The following EDIL3 variants were observed in gnomAD, a reference collection of about 807,000 sequenced individuals.
EDIL3 encodes the protein EGF-like repeat and discoidin I-like domain-containing protein 3.
EDIL3 carries 37 observed loss-of-function variants against 67.4 expected under a neutral mutation model. The ratio of observed to expected loss-of-function variants is 0.55; its 90% CI spans 0.42 to 0.72. EDIL3 has a LOEUF of 0.72. EDIL3 is among the 30% of genes least tolerant of loss of function. EDIL3 has a pLI of 0.00. For missense variants in EDIL3, 527 were observed against 586.3 expected, an observed-to-expected ratio of 0.90 and a Z score of 1.04; for synonymous variants, 195 against 196.3, an observed-to-expected ratio of 0.99 and a Z score of 0.05.
At chr5:83,980,394 T>A (rs1744950338) in intron 9 of EDIL3, among the ~76,000 whole-genome samples, 1 of 151,902 alleles carries the variant, frequency 6.6e-6, no homozygotes, top group South Asian at 2.1e-4. Flanking sequence ...AGTAAATCTA[T>A]CTTTATTCAG....
intron 1 of EDIL3, among the ~76,000 whole-genome samples, chr5:84,286,263 A>G (rs1351095605): frequency 6.6e-6 from 1 of 152,136 alleles, no homozygotes; most frequent in Non-Finnish European, 1.5e-5. Flanking sequence ...AGCTTGCTAC[A>G]CTCTCCCCAT....
At chr5:84,156,338 C>T (rs1748489531) in intron 4 of EDIL3, among the ~76,000 whole-genome samples, 2 of 152,088 alleles carry the variant, frequency 1.3e-5, no homozygotes, top group East Asian at 1.9e-4. Context: ...TAGCCTGGAC[C>T]CTTTCCACTA....
intron 1 of EDIL3, among the ~76,000 whole-genome samples, chr5:84,254,413 G>T (rs1191957799): frequency 6.6e-6 from 1 of 152,034 alleles, no homozygotes; most frequent in African/African-American, 2.4e-5. Context: ...AAATTAAACT[G>T]CATAATTCAA....
intron 6 of EDIL3, among the ~76,000 whole-genome samples, chr5:84,094,216 A>G (rs923625526): frequency 6.6e-6 from 1 of 152,232 alleles, no homozygotes; most frequent in African/African-American, 2.4e-5. Context: ...GTTTAAAAAC[A>G]CACAACTATG....
chr5:84,227,935 G>A (rs970439764), intron 3 of EDIL3, among the ~76,000 whole-genome samples: 1 of 152,058 alleles, frequency 6.6e-6, no homozygotes, highest in African/African-American at 2.4e-5. Flanking sequence ...TGGAGGAGAG[G>A]AAGAGGGTGT....
chr5:84,328,277 T>G (rs1325894662), intron 1 of EDIL3, among the ~76,000 whole-genome samples: 2 of 152,074 alleles, frequency 1.3e-5, no homozygotes, highest in Non-Finnish European at 2.9e-5. Context: ...TAAGATGGAA[T>G]CAATCTATGT....
At chr5:84,379,952 C>G (rs547186943) in intron 1 of EDIL3, among the ~76,000 whole-genome samples, 10 of 151,912 alleles carry the variant, frequency 6.6e-5, no homozygotes, top group Non-Finnish European at 1.2e-4. Flanking sequence ...GGTGAGGGCA[C>G]AGTTGATTCT....
chr5:84,258,920 A>T (rs1745171164), intron 1 of EDIL3, among the ~76,000 whole-genome samples: 1 of 151,076 alleles, frequency 6.6e-6, no homozygotes. Context: ...CCTAGACTTT[A>T]AATCAATAAT....
chr5:84,137,440 T>A lies in EDIL3; in HGVS notation c.356-86A>T, dbSNP rs1348746655. 3 of 1,180,962 alleles carry A rather than the reference T, an allele frequency of 2.5e-6. No homozygotes were observed. The Admixed American group carries it at 5.8e-5, about 23-fold the overall frequency. 73.2% of individuals were successfully genotyped at this position (1,180,962 alleles called of 1,614,324 possible). A position where few individuals can be genotyped will look rare whatever the true frequency, so the allele number is the denominator to read the frequency against. ...AAAGTTTTAACATTTGAAATACAAATGTCTTAGTAATGCTATTCCTTTGTG... is the reference window on the plus strand; with the variant it reads ...AAAGTTTTAACATTTGAAATACAAAAGTCTTAGTAATGCTATTCCTTTGTG... On this transcript the variant is annotated intron_variant, in intron 4 of 10. Transcript: ENST00000296591.
At chr5:84,174,342 A>C (rs947050164) in intron 4 of EDIL3, among the ~76,000 whole-genome samples, 2 of 152,212 alleles carry the variant, frequency 1.3e-5, no homozygotes, top group Non-Finnish European at 2.9e-5. Flanking sequence ...AGAACTAACT[A>C]TATATTGGAC....
chr5:83,999,195 T>C (rs1435389212), intron 9 of EDIL3, among the ~76,000 whole-genome samples: 4 of 152,090 alleles, frequency 2.6e-5, no homozygotes, highest in Non-Finnish European at 5.9e-5. Flanking sequence ...CAAGCCCAGA[T>C]TGCAAAGTTT....
intron 9 of EDIL3, among the ~76,000 whole-genome samples, chr5:84,030,120 A>G (rs1333178905): frequency 1.3e-5 from 2 of 152,226 alleles, no homozygotes. Flanking sequence ...GTCCCTTTCT[A>G]AAACAATGAT....
Position 84,137,336 on chromosome 5 carries a change from A to T in EDIL3, c.374T>A (p.Val125Asp). 6.2e-7 allele frequency: 1 copy of T among 1,613,198 alleles called. No homozygotes were observed. The highest frequency in any genetic ancestry group is 8.5e-7 in the Non-Finnish European group (1 of 1,179,714). Residue 125 changes from valine (V) to aspartate (D), a missense_variant, in exon 5 of 11, where the codon GTT becomes GAT. Coordinates refer to ENST00000296591, the MANE Select transcript of EDIL3 (RefSeq NM_005711.5). ...HCQHNINECE[V>D]EPCKNGGICT... ...TATTCCACCATTTTTGCAAGGCTCA[A>T]CTTCGCATTCATTTATGTCTAAGAA... is the stretch of plus-strand genomic sequence containing the variant.
At chr5:84,234,980 GTT>G (rs1744651712) in intron 2 of EDIL3, among the ~76,000 whole-genome samples, 1 of 152,096 alleles carries the variant, frequency 6.6e-6, no homozygotes, top group African/African-American at 2.4e-5. Context: ...GTGTGTGTAT[GTT>G]TGTGTGTTGA....
chr5:84,241,958 C>T (rs1035876250), intron 2 of EDIL3, among the ~76,000 whole-genome samples: 11 of 151,640 alleles, frequency 7.3e-5, no homozygotes, highest in African/African-American at 2.7e-4. Context: ...CGGTGGCTCA[C>T]GCCTGTAATC....
intron 3 of EDIL3, among the ~76,000 whole-genome samples, chr5:84,214,312 G>A (rs896220290): frequency 2.0e-5 from 3 of 152,070 alleles, no homozygotes; most frequent in Non-Finnish European, 4.4e-5. Flanking sequence ...ATGGATTCCA[G>A]GAACCCTCAG....
chr5:84,349,955 C>T (rs1747321298), intron 1 of EDIL3, among the ~76,000 whole-genome samples: 1 of 152,106 alleles, frequency 6.6e-6, no homozygotes, highest in African/African-American at 2.4e-5. Flanking sequence ...CTTATAACAG[C>T]TCTACGAGGT....
In EDIL3 at chr5:83,984,951, CCACACACACA is replaced by C. The variant is rs6149090; in HGVS notation, c.1138-21601_1138-21592del. ...GCACACACACGTATGCAAACATACA[CCACACACACA>C]CACACACACACACACACCCCATAAA... On this transcript the variant is annotated intron_variant, in intron 9 of 10. Coordinates refer to ENST00000296591, the MANE Select transcript of EDIL3 (RefSeq NM_005711.5). Among the ~76,000 whole-genome samples the C allele has an allele frequency of 9.7e-4, 145 of 149,856 alleles. 1 individual carries two copies. The Middle Eastern group carries it at 0.014, about 14-fold the overall frequency.
Position 84,081,647 on chromosome 5 carries a change from C to T in EDIL3, c.652-15041G>A, listed in dbSNP as rs117311738. ...CTGTGTGCGAGGCTTGACTTTCTTA[C>T]ATTTCTATAGGTGGCTCATGCCAAT... is the stretch of plus-strand genomic sequence containing the variant. On this transcript the variant is annotated intron_variant, in intron 6 of 10. Coordinates refer to ENST00000296591, the MANE Select transcript of EDIL3 (RefSeq NM_005711.5). Among the ~76,000 whole-genome samples, 1,435 of 152,200 alleles carry T rather than the reference C, an allele frequency of 9.4e-3. 53 individuals are homozygous for T. Among genetic ancestry groups the T allele is most frequent in the East Asian group, 0.087 (450 of 5,166 alleles).
Sources: allele counts gnomAD v4.1 joint callset (sites outside exome capture counted in the v4.1 genomes callset), GRCh38; gene constraint gnomAD v4.1.1; transcripts MANE v1.5; gene names NCBI Gene and HGNC (gene_info 2026-07-23, HGNC 2026-07-21).